MOB4: variants seen among roughly 807,000 people sequenced by gnomAD.
MOB4 encodes MOB family member 4, phocein, also known as MOB-like protein phocein.
A neutral mutation model predicts 32.2 loss-of-function variants in MOB4; 4 were observed. The ratio of observed to expected loss-of-function variants is 0.12; its 90% CI spans 0.06 to 0.28. MOB4 has a LOEUF of 0.28. Among genes scored for constraint, MOB4 ranks in the 10% least tolerant of loss-of-function variants. MOB4 has a pLI of 1.00. For synonymous variants in MOB4, 88 were observed against 88.1 expected (o/e 1.00, Z 0.01); for missense variants, 158 against 271.2 (o/e 0.58, Z 2.93).
chr2:197,535,803 A>G (rs1016005451), intron 3 of MOB4, among the ~76,000 whole-genome samples, 173 bp downstream of exon 3: 2 of 152,040 alleles, frequency 1.3e-5, no homozygotes, highest in African/African-American at 2.4e-5. Flanking sequence ...GGTTGTTTCC[A>G]GGTCAAATTA....
Position 197,550,639 on chromosome 2 carries a change from A to T in MOB4, c.671A>T (p.Glu224Val). 1 of 1,596,542 alleles carries T rather than the reference A, an allele frequency of 6.3e-7. No individual in the cohort carries two copies. Among genetic ancestry groups the T allele is most frequent in the Non-Finnish European group, 8.5e-7 (1 of 1,175,188 alleles). Reference sequence around the variant, plus strand: ...CAGAATTCAGTTTCTGGGGAAAGTGAAGCATGAAGGGAATCATAGGAAAAA... The same window carrying T: ...CAGAATTCAGTTTCTGGGGAAAGTGTAGCATGAAGGGAATCATAGGAAAAA... ...EVQNSVSGES[E>V]A The change falls in exon 8 of 8, where the codon GAA (glutamate) becomes GTA (valine). Residue 224 changes from glutamate (E) to valine (V), a missense_variant. Glu to Val is a moderately radical substitution (Grantham distance 121). Coordinates refer to ENST00000323303, the MANE Select transcript of MOB4 (RefSeq NM_015387.5).
chr2:197,528,996 C>G (rs1237834673), intron 2 of MOB4, among the ~76,000 whole-genome samples: 1 of 150,662 alleles, frequency 6.6e-6, no homozygotes, highest in East Asian at 2.0e-4. Context: ...GAGTCTCGCT[C>G]TGTCACTCAG....
upstream of MOB4, chr2:197,516,034 G>A: frequency 6.5e-7 from 1 of 1,535,526 alleles, no homozygotes; most frequent in Non-Finnish European, 8.8e-7. Flanking sequence ...CCCCCGCGCA[G>A]GCTGCCGTCC....
rs555741487 is a variant in MOB4, at chr2:197,531,850, C to A, written c.124-3680C>A. Among the ~76,000 whole-genome samples, 118 of 152,052 alleles carry A rather than the reference C, an allele frequency of 7.8e-4. 1 individual carries two copies. The highest frequency in any genetic ancestry group is 2.7e-3 in the African/African-American group (112 of 41,464). On this transcript the variant is annotated intron_variant, in intron 2 of 7. Transcript: ENST00000323303. Reference sequence around the variant, plus strand: ...GAGCCACCTCGTCCAGCCTTCTTAGCTGATTTTTTAAAAATGATAGTTGCT... The same window carrying A: ...GAGCCACCTCGTCCAGCCTTCTTAGATGATTTTTTAAAAATGATAGTTGCT...
chr2:197,538,818 A>G (rs1162860804), intron 3 of MOB4, among the ~76,000 whole-genome samples: 2 of 152,236 alleles, frequency 1.3e-5, no homozygotes, highest in African/African-American at 2.4e-5. Context: ...TAAAAAACAC[A>G]TAACATGCAG....
intron 5 of MOB4, among the ~76,000 whole-genome samples, chr2:197,547,075 C>T (rs2087008216): frequency 6.9e-6 from 1 of 144,788 alleles, no homozygotes; most frequent in African/African-American, 2.9e-5. Flanking sequence ...GTGAGACCTT[C>T]TTTCTTTCTT....
Position 197,553,480 on chromosome 2 carries a change from A to C in MOB4, c.*2834A>C, listed in dbSNP as rs1180334269. On this transcript the variant is annotated 3_prime_UTR_variant, in exon 8 of 8. Transcript: ENST00000323303. Reference sequence around the variant, plus strand: ...TAGTAAGGACTGTGTTACGATTATAAACACATTTATTGGTTGATGTCAAAT... The same window carrying C: ...TAGTAAGGACTGTGTTACGATTATACACACATTTATTGGTTGATGTCAAAT... 1 of 152,168 alleles carries C rather than the reference A, an allele frequency of 6.6e-6. No individual in the cohort carries two copies. Among genetic ancestry groups the C allele is most frequent in the East Asian group, 1.9e-4 (1 of 5,196 alleles). 9.4% of individuals were successfully genotyped at this position (152,168 alleles called of 1,614,324 possible). A position where few individuals can be genotyped will look rare whatever the true frequency, so the allele number is the denominator to read the frequency against.
intron 5 of MOB4, among the ~76,000 whole-genome samples, chr2:197,541,533 G>A (rs1400502048): frequency 6.6e-6 from 1 of 152,180 alleles, no homozygotes; most frequent in Non-Finnish European, 1.5e-5. Flanking sequence ...AAAATAAGGA[G>A]TATTTGATAC....
chr2:197,546,934 A>G lies in MOB4; in HGVS notation c.355-1402A>G, dbSNP rs564258450. On this transcript the variant is annotated intron_variant, in intron 5 of 7. Coordinates refer to ENST00000323303, the MANE Select transcript of MOB4 (RefSeq NM_015387.5). Reference sequence around the variant, plus strand: ...ATAGTGTATTGCAATGAAGGAAGCTAGAGAAAATGTTATTCAGAAAATCAT... The same window carrying G: ...ATAGTGTATTGCAATGAAGGAAGCTGGAGAAAATGTTATTCAGAAAATCAT... 2.0e-5 allele frequency among the ~76,000 whole-genome samples: 3 copies of G among 152,282 alleles called. No individual in the cohort carries two copies. In the South Asian group the frequency reaches 6.2e-4, roughly 32 times the overall value.
chr2:197,523,532 C>T, intron 1 of MOB4, 92 bp from the exon 2 acceptor site: 3 of 1,294,828 alleles, frequency 2.3e-6, no homozygotes, highest in African/African-American at 1.5e-5. Context: ...TTTTTTCTTC[C>T]CCTCTAGTGT....
chr2:197,553,549 C>T lies in MOB4; in HGVS notation c.*2903C>T, dbSNP rs1303966841. 6.6e-6 allele frequency: 1 copy of T among 152,066 alleles called. No individual in the cohort carries two copies. Among genetic ancestry groups the T allele is most frequent in the African/African-American group, 2.4e-5 (1 of 41,412 alleles). 9.4% of individuals were successfully genotyped at this position (152,066 alleles called of 1,614,324 possible). A position where few individuals can be genotyped will look rare whatever the true frequency, so the allele number is the denominator to read the frequency against. On this transcript the variant is annotated 3_prime_UTR_variant, in exon 8 of 8. Coordinates refer to ENST00000323303, the MANE Select transcript of MOB4 (RefSeq NM_015387.5). ...TAAGTTTTTTATGTGAGTACTTTGC[C>T]CTACTGTCTATATGATGACATCTTT...
At chr2:197,547,229 G>C (rs1274394486) in intron 5 of MOB4, among the ~76,000 whole-genome samples, 2 of 152,126 alleles carry the variant, frequency 1.3e-5, no homozygotes, top group South Asian at 4.1e-4. Flanking sequence ...GCCGTTGCTG[G>C]GAAAATCTGA....
At chr2:197,527,843 A>G (rs972070953) in intron 2 of MOB4, among the ~76,000 whole-genome samples, 2 of 152,168 alleles carry the variant, frequency 1.3e-5, no homozygotes, top group Admixed American at 1.3e-4. Context: ...TATCACGAAA[A>G]TATGTTGGAT....
At chr2:197,539,576 C>A (rs1289062264) in intron 3 of MOB4, among the ~76,000 whole-genome samples, 1 of 152,104 alleles carries the variant, frequency 6.6e-6, no homozygotes, top group African/African-American at 2.4e-5. Flanking sequence ...CCTCGGCCTC[C>A]CAAAGTGTTG....
At chr2:197,545,217 T>C (rs1294166532) in intron 5 of MOB4, among the ~76,000 whole-genome samples, 1 of 152,182 alleles carries the variant, frequency 6.6e-6, no homozygotes, top group African/African-American at 2.4e-5. Flanking sequence ...CTCAGAGGAT[T>C]GGTCCCAGGA....
intron 5 of MOB4, among the ~76,000 whole-genome samples, chr2:197,544,752 CAA>C (rs796630784): frequency 5.5e-5 from 5 of 91,160 alleles, no homozygotes; most frequent in African/African-American, 8.6e-5. Context: ...GACTCCGTCT[CAA>C]AAAAAAAAAA....
intron 2 of MOB4, among the ~76,000 whole-genome samples, chr2:197,535,239 A>AG (rs57461743): frequency 0.35 from 51,511 of 148,242 alleles, 11,043 homozygotes; most frequent in South Asian, 0.52. Flanking sequence ...AAAAAAAAAA[A>AG]AAAGAAATTA....
intron 1 of MOB4, among the ~76,000 whole-genome samples, chr2:197,520,917 A>G: frequency 6.9e-6 from 1 of 145,574 alleles, no homozygotes; most frequent in Non-Finnish European, 1.5e-5. Flanking sequence ...AAAAAAAAAA[A>G]GAAGAAGAAA....
At chr2:197,528,602 T>G (rs917021660) in intron 2 of MOB4, among the ~76,000 whole-genome samples, 5 of 148,556 alleles carry the variant, frequency 3.4e-5, no homozygotes, top group African/African-American at 1.2e-4. Flanking sequence ...AATTTTCTTT[T>G]TCTTTTTCTT....
Sources: gnomAD v4.1 joint callset for allele counts (sites outside exome capture counted in the v4.1 genomes callset) on GRCh38, gnomAD v4.1.1 for gene constraint, MANE v1.5 for transcripts, NCBI Gene and HGNC (gene_info 2026-07-23, HGNC 2026-07-21) for gene names.